Variants in APOE observed in about 807,000 individuals in gnomAD.
APOE encodes apolipoprotein E3.
Under a neutral mutation model 13.1 loss-of-function variants are expected in APOE, and 10 were observed. The ratio of observed to expected loss-of-function variants is 0.76; its 90% CI spans 0.47 to 1.29. APOE has a LOEUF of 1.29. Ranked by LOEUF, APOE falls within the 50% of genes most tolerant of loss-of-function variation. The pLI is 0.00. For missense variants in APOE, 471 were observed against 459.6 expected, an observed-to-expected ratio of 1.02 and a Z score of -0.23; for synonymous variants, 211 against 207.1, an observed-to-expected ratio of 1.02 and a Z score of -0.16.
Position 44,909,355 on chromosome 19 carries a change from T to C in APOE, c.*105T>C. Reference sequence around the variant, plus strand: ...CCCCGCCCCAGCCGTCCTCCTGGGGTGGACCCTAGTTTAATAAAGATTCAC... The same window carrying C: ...CCCCGCCCCAGCCGTCCTCCTGGGGCGGACCCTAGTTTAATAAAGATTCAC... On this transcript the variant is annotated 3_prime_UTR_variant, in exon 4 of 4. Coordinates refer to ENST00000252486, the MANE Select transcript of APOE (RefSeq NM_000041.4). 3 of 1,046,134 alleles carry C rather than the reference T, an allele frequency of 2.9e-6. No individual in the cohort carries two copies. Among genetic ancestry groups the C allele is most frequent in the Non-Finnish European group, 4.3e-6 (3 of 697,680 alleles). 64.8% of individuals were successfully genotyped at this position (1,046,134 alleles called of 1,614,324 possible). A position where few individuals can be genotyped will look rare whatever the true frequency, so the allele number is the denominator to read the frequency against.
Position 44,908,528 on chromosome 19 carries a change from C to T in APOE, c.237-5C>T, listed in dbSNP as rs770641623. On this transcript the variant is annotated splice_region_variant and splice_polypyrimidine_tract_variant and intron_variant, in intron 3 of 3. Coordinates refer to ENST00000252486, the MANE Select transcript of APOE (RefSeq NM_000041.4). ...TGCGACACCCTCCCGCCCTCTCGGCCGCAGGGCGCTGATGGACGAGACCAT... is the reference window on the plus strand; with the variant it reads ...TGCGACACCCTCCCGCCCTCTCGGCTGCAGGGCGCTGATGGACGAGACCAT... 6.2e-7 allele frequency: 1 copy of T among 1,613,472 alleles called. No individual in the cohort carries two copies. Among genetic ancestry groups the T allele is most frequent in the East Asian group, 2.2e-5 (1 of 44,870 alleles).
chr19:44,909,178 G>T lies in APOE; in HGVS notation c.882G>T (p.Trp294Cys), dbSNP rs557715042. Residue 294 changes from tryptophan to cysteine, a missense_variant, in exon 4 of 4, where the codon TGG becomes TGT. Transcript: ENST00000252486. ...TGGTGGAAGACATGCAGCGCCAGTG[G>T]GCCGGGCTGGTGGAGAAGGTGCAGG... The part of the protein sequence containing the change: ...EPLVEDMQRQ[W>C]AGLVEKVQAA... 29 of 1,599,752 alleles carry T rather than the reference G, an allele frequency of 1.8e-5. No individual in the cohort carries two copies. The Admixed American group carries it at 3.8e-4, about 21-fold the overall frequency.
At chr19:44,906,859 GT>G (rs2122129594) in intron 2 of APOE, 192 bp downstream of exon 2, 1 of 611,780 alleles carries the variant, frequency 1.6e-6, no homozygotes, top group South Asian at 1.9e-5. Context: ...GTTAGAAGTT[GT>G]TTTGTTGTTG....
rs877973 is a variant in APOE, at chr19:44,906,026, C to A, written c.-24+185C>A. The stretch of plus-strand genomic sequence containing the variant: ...CCTGGGAAGGGCTGGGCAGCAGAGA[C>A]GACCCGACCCGCTAGAAGGTGGGGT... On this transcript the variant is annotated intron_variant, in intron 1 of 3. Coordinates refer to ENST00000252486, the MANE Select transcript of APOE (RefSeq NM_000041.4). 2.8e-3 allele frequency: 2,316 copies of A among 813,592 alleles called. 34 individuals are homozygous for A. The African/African-American group carries it at 0.038, about 13-fold the overall frequency. 50.4% of individuals were successfully genotyped at this position (813,592 alleles called of 1,614,324 possible).
Position 44,908,621 on chromosome 19 carries a change from G to C in APOE, c.325G>C (p.Ala109Pro). The C allele has an allele frequency of 6.2e-7, 1 of 1,608,604 alleles. No individual in the cohort carries two copies. Among genetic ancestry groups the C allele is most frequent in the Non-Finnish European group, 8.5e-7 (1 of 1,177,448 alleles). Residue 109 changes from alanine to proline, a missense_variant, in exon 4 of 4, where the codon GCA becomes CCA. Ala to Pro is a conservative substitution (Grantham distance 27). Coordinates refer to ENST00000252486, the MANE Select transcript of APOE (RefSeq NM_000041.4). The stretch of plus-strand genomic sequence containing the variant: ...GACCCCGGTGGCGGAGGAGACGCGG[G>C]CACGGCTGTCCAAGGAGCTGCAGGC... ...QLTPVAEETR[A>P]RLSKELQAAQ...
chr19:44,908,416 GCCCCGTTCCTTCTCTC>G, intron 3 of APOE, 101 bp from the exon 4 acceptor site: 1 of 1,021,226 alleles, frequency 9.8e-7, no homozygotes, highest in Non-Finnish European at 1.5e-6. Flanking sequence ...CTCGGCCTCT[GCCCCGTTCCTTCTCTC>G]CCTCTTGGGT....
rs1332509626 is a variant in APOE at position 44,908,856 on chromosome 19, G to T, written c.560G>T (p.Gly187Val). ...GTGTACCAGGCCGGGGCCCGCGAGG[G>T]CGCCGAGCGCGGCCTCAGCGCCATC... Reference protein sequence around the residue: ...LAVYQAGAREGAERGLSAIRE... With the variant: ...LAVYQAGAREVAERGLSAIRE... The change falls in exon 4 of 4, where the codon GGC becomes GTC. Residue 187 changes from glycine (G) to valine (V), a missense_variant. Transcript: ENST00000252486. 9 of 1,522,980 alleles carry T rather than the reference G, an allele frequency of 5.9e-6. No individual in the cohort carries two copies. Among genetic ancestry groups the T allele is most frequent in the South Asian group, 1.2e-5 (1 of 83,526 alleles). 94.3% of individuals were successfully genotyped at this position (1,522,980 alleles called of 1,614,324 possible). A position where few individuals can be genotyped will look rare whatever the true frequency, so the allele number is the denominator to read the frequency against.
rs753798476 is a variant in APOE, at chr19:44,908,700, A to G, written c.404A>G (p.Gln135Arg). Residue 135 changes from glutamine (Q) to arginine (R), a missense_variant, in exon 4 of 4, where the codon CAG (glutamine) becomes CGG (arginine). Transcript: ENST00000252486. ...DMEDVCGRLV[Q>R]YRGEVQAMLG... Reference sequence around the variant, plus strand: ...GAGGACGTGTGCGGCCGCCTGGTGCAGTACCGCGGCGAGGTGCAGGCCATG... The same window carrying G: ...GAGGACGTGTGCGGCCGCCTGGTGCGGTACCGCGGCGAGGTGCAGGCCATG... 3 of 1,562,050 alleles carry G rather than the reference A, an allele frequency of 1.9e-6. No homozygotes were observed. Among genetic ancestry groups the G allele is most frequent in the Non-Finnish European group, 2.6e-6 (3 of 1,153,802 alleles).
Position 44,908,842 on chromosome 19 carries a change from CG to C in APOE, c.550del (p.Ala184ProfsTer67). ...LQKRLAVYQA[G>X]AREGAERGLS... is the part of the protein sequence containing the mutation. ...AGAAGCGCCTGGCAGTGTACCAGGC[CG>C]GGGCCCGCGAGGGCGCCGAGCGCGG... is the stretch of plus-strand genomic sequence containing the variant. On this transcript the variant is annotated frameshift_variant, in exon 4 of 4. Coordinates refer to ENST00000252486, the MANE Select transcript of APOE (RefSeq NM_000041.4). LOFTEE classifies it low-confidence loss of function (END_TRUNC). The C allele has an allele frequency of 6.5e-7, 1 of 1,529,850 alleles. No homozygotes were observed. Among genetic ancestry groups the C allele is most frequent in the Non-Finnish European group, 8.7e-7 (1 of 1,143,360 alleles). The allele number at this position is 1,529,850 out of a possible 1,614,324, so 94.8% of individuals were successfully genotyped here. A position where few individuals can be genotyped will look rare whatever the true frequency, so the allele number is the denominator to read the frequency against.
rs747184737 is a variant in APOE, at chr19:44,909,106, G to A, written c.810G>A (p.Leu270=). 27 of 1,589,148 alleles carry A rather than the reference G, an allele frequency of 1.7e-5. No individual in the cohort carries two copies. Among genetic ancestry groups the A allele is most frequent in the African/African-American group, 2.7e-5 (2 of 74,646 alleles). The change falls in exon 4 of 4, where the codon CTG becomes CTA. Residue 270 remains leucine (L), a synonymous_variant. Transcript: ENST00000252486. The stretch of plus-strand genomic sequence containing the variant: ...AGGAGCAGGCCCAGCAGATACGCCT[G>A]CAGGCCGAGGCCTTCCAGGCCCGCC... ...KLEEQAQQIR[L]QAEAFQARLK...
Position 44,907,921 on chromosome 19 carries a change from C to A in APOE, c.205C>A (p.Leu69Met). 1 of 1,613,826 alleles carries A rather than the reference C, an allele frequency of 6.2e-7. No homozygotes were observed. The highest frequency in any genetic ancestry group is 1.1e-5 in the South Asian group (1 of 91,060). Residue 69 changes from leucine to methionine, a missense_variant, in exon 3 of 4, where the codon CTG (leucine) becomes ATG (methionine). Coordinates refer to ENST00000252486, the MANE Select transcript of APOE (RefSeq NM_000041.4). The surrounding 1 kb of genome is among the most constrained non-coding windows in gnomAD (Gnocchi z 4.1). ...QTLSEQVQEE[L>M]LSSQVTQELR... ...ACTGTCTGAGCAGGTGCAGGAGGAG[C>A]TGCTCAGCTCCCAGGTCACCCAGGA...
At position 44,909,362 on chromosome 19, in the gene APOE, T is replaced by A; in HGVS notation, c.*112T>A. On this transcript the variant is annotated 3_prime_UTR_variant, in exon 4 of 4. Transcript: ENST00000252486. ...CCAGCCGTCCTCCTGGGGTGGACCC[T>A]AGTTTAATAAAGATTCACCAAGTTT... The A allele has an allele frequency of 1.0e-6, 1 of 984,008 alleles. No individual in the cohort carries two copies. The highest frequency in any genetic ancestry group is 1.5e-6 in the Non-Finnish European group (1 of 646,910). The allele number at this position is 984,008 out of a possible 1,614,324, so 61.0% of individuals were successfully genotyped here.
chr19:44,909,204 C>T lies in APOE; in HGVS notation c.908C>T (p.Ala303Val). The T allele has an allele frequency of 1.3e-6, 2 of 1,597,084 alleles. No homozygotes were observed. The highest frequency in any genetic ancestry group is 1.7e-6 in the Non-Finnish European group (2 of 1,178,776). ...QWAGLVEKVQ[A>V]AVGTSAAPVP... is the part of the protein sequence containing the mutation. ...GCCGGGCTGGTGGAGAAGGTGCAGG[C>T]TGCCGTGGGCACCAGCGCCGCCCCT... The change falls in exon 4 of 4, where the codon GCT (alanine) becomes GTT (valine). Residue 303 changes from alanine (A) to valine (V), a missense_variant. Transcript: ENST00000252486.
chr19:44,909,342 C>A lies in APOE; in HGVS notation c.*92C>A. 8.1e-7 allele frequency: 1 copy of A among 1,239,246 alleles called. No individual in the cohort carries two copies. The highest frequency in any genetic ancestry group is 1.2e-6 in the Non-Finnish European group (1 of 864,894). The allele number at this position is 1,239,246 out of a possible 1,614,324, so 76.8% of individuals were successfully genotyped here. A position where few individuals can be genotyped will look rare whatever the true frequency, so the allele number is the denominator to read the frequency against. Reference sequence around the variant, plus strand: ...CGGGAGACCCTGTCCCCGCCCCAGCCGTCCTCCTGGGGTGGACCCTAGTTT... The same window carrying A: ...CGGGAGACCCTGTCCCCGCCCCAGCAGTCCTCCTGGGGTGGACCCTAGTTT... On this transcript the variant is annotated 3_prime_UTR_variant, in exon 4 of 4. Transcript: ENST00000252486.
At chr19:44,908,492 G>GCCTCCCACTGTGCGACAC (rs1969852413) in intron 3 of APOE, 41 bp from the exon 4 acceptor site, 1 of 1,400,154 alleles carries the variant, frequency 7.1e-7, no homozygotes, top group Non-Finnish European at 1.0e-6. Context: ...CCTTCTCCCC[G>GCCTCCCACTGTGCGACAC]CCTCCCACTG....
rs781722239 is a variant in APOE, at chr19:44,908,851, C to T, written c.555C>T (p.Arg185=). 162 of 1,524,964 alleles carry T rather than the reference C, an allele frequency of 1.1e-4. 1 individual carries two copies. Among genetic ancestry groups the T allele is most frequent in the Middle Eastern group, 2.2e-4 (1 of 4,486 alleles). 94.5% of individuals were successfully genotyped at this position (1,524,964 alleles called of 1,614,324 possible). A position where few individuals can be genotyped will look rare whatever the true frequency, so the allele number is the denominator to read the frequency against. The change falls in exon 4 of 4, where the codon CGC becomes CGT. Residue 185 remains arginine (R), a synonymous_variant. Coordinates refer to ENST00000252486, the MANE Select transcript of APOE (RefSeq NM_000041.4). ...TGGCAGTGTACCAGGCCGGGGCCCG[C>T]GAGGGCGCCGAGCGCGGCCTCAGCG... ...KRLAVYQAGA[R]EGAERGLSAI... is the part of the protein sequence containing the mutation.
intron 3 of APOE, 21 bp from the exon 4 acceptor site, chr19:44,908,512 C>T (rs1381273917): frequency 6.2e-7 from 1 of 1,612,626 alleles, no homozygotes; most frequent in Admixed American, 1.7e-5. Flanking sequence ...GTGCGACACC[C>T]TCCCGCCCTC....
chr19:44,908,485 T>A, intron 3 of APOE, 48 bp from the exon 4 acceptor site: 2 of 1,600,424 alleles, frequency 1.2e-6, no homozygotes, highest in East Asian at 4.5e-5. Flanking sequence ...TCCCAGCCCT[T>A]CTCCCCGCCT....
chr19:44,909,139 C>T lies in APOE; in HGVS notation c.843C>T (p.Ser281=). The change falls in exon 4 of 4, where the codon AGC becomes AGT. Residue 281 remains serine (S), a synonymous_variant. Coordinates refer to ENST00000252486, the MANE Select transcript of APOE (RefSeq NM_000041.4). ...QAEAFQARLK[S]WFEPLVEDMQ... ...AGGCCTTCCAGGCCCGCCTCAAGAG[C>T]TGGTTCGAGCCCCTGGTGGAAGACA... 6.2e-7 allele frequency: 1 copy of T among 1,601,418 alleles called. No homozygotes were observed. Among genetic ancestry groups the T allele is most frequent in the Non-Finnish European group, 8.5e-7 (1 of 1,178,640 alleles).
Sources: allele counts gnomAD v4.1 joint callset, GRCh38; gene constraint gnomAD v4.1.1; non-coding constraint Gnocchi (gnomAD v3.1); transcripts MANE v1.5; gene names NCBI Gene and HGNC (gene_info 2026-07-23, HGNC 2026-07-21).